SLC24A3: variants seen among roughly 807,000 people sequenced by gnomAD.
The protein encoded by SLC24A3 is sodium/potassium/calcium exchanger 3.
SLC24A3 carries 28 observed loss-of-function variants against 75.8 expected under a neutral mutation model. The ratio of observed to expected loss-of-function variants is 0.37; its 90% CI spans 0.27 to 0.51. The LOEUF is 0.51. Among genes scored for constraint, SLC24A3 ranks in the 20% least tolerant of loss-of-function variants. SLC24A3 has a pLI of 0.94. For synonymous variants in SLC24A3, 372 were observed against 334.1 expected (o/e 1.11, Z -1.24); for missense variants, 663 against 847.8 (o/e 0.78, Z 2.71).
At chr20:19,670,117 G>A (rs778609495) in intron 8 of SLC24A3, among the ~76,000 whole-genome samples, 8 of 151,918 alleles carry the variant, frequency 5.3e-5, no homozygotes, top group Non-Finnish European at 7.4e-5. Flanking sequence ...GAGCTGGCCC[G>A]ACCTGGAGCT....
chr20:19,614,852 A>C (rs1336888072), intron 6 of SLC24A3, among the ~76,000 whole-genome samples: 9 of 152,228 alleles, frequency 5.9e-5, no homozygotes, highest in African/African-American at 1.9e-4. Flanking sequence ...ATTAGAAGGA[A>C]GATGAATGAT....
At chr20:19,368,118 G>T (rs987977731) in intron 2 of SLC24A3, among the ~76,000 whole-genome samples, 1 of 152,194 alleles carries the variant, frequency 6.6e-6, no homozygotes, top group African/African-American at 2.4e-5. Flanking sequence ...GTGTGTGTGT[G>T]TCCACGTGCA....
intron 1 of SLC24A3, among the ~76,000 whole-genome samples, chr20:19,229,893 A>G (rs984295550): frequency 1.3e-5 from 2 of 151,230 alleles, no homozygotes; most frequent in Admixed American, 6.6e-5. Context: ...TTGTGTTTGC[A>G]TTTCTGGTTT....
At chr20:19,632,773 C>T (rs533087734) in intron 6 of SLC24A3, among the ~76,000 whole-genome samples, 2 of 152,284 alleles carry the variant, frequency 1.3e-5, no homozygotes, top group East Asian at 3.9e-4. Context: ...TCCCTGACAA[C>T]AGCTCTGGCA....
chr20:19,495,129 ATCT>A (rs1988264756), intron 2 of SLC24A3, among the ~76,000 whole-genome samples: 1 of 152,078 alleles, frequency 6.6e-6, no homozygotes, highest in Non-Finnish European at 1.5e-5. Context: ...TGAGGACTTA[ATCT>A]TCTAGGCATT....
intron 2 of SLC24A3, among the ~76,000 whole-genome samples, chr20:19,294,785 C>A (rs1214079154): frequency 6.6e-6 from 1 of 152,020 alleles, no homozygotes; most frequent in Admixed American, 6.6e-5. Flanking sequence ...TACTTATATT[C>A]CTTTGGTTAT....
Position 19,722,617 on chromosome 20 carries a change from T to C in SLC24A3, c.*1477T>C, listed in dbSNP as rs1347631141. The C allele has an allele frequency of 6.5e-6, 1 of 152,672 alleles. No individual in the cohort carries two copies. The highest frequency in any genetic ancestry group is 1.5e-5 in the Non-Finnish European group (1 of 68,052). The allele number at this position is 152,672 out of a possible 1,614,324, so 9.5% of individuals were successfully genotyped here. ...CCCTTGTATTTACTTTAAGCACTGA[T>C]CACTTATCATTCATTCGGTATGGTT... On this transcript the variant is annotated 3_prime_UTR_variant, in exon 17 of 17. Coordinates refer to ENST00000328041, the MANE Select transcript of SLC24A3 (RefSeq NM_020689.4).
At chr20:19,471,398 G>T (rs1012403452) in intron 2 of SLC24A3, among the ~76,000 whole-genome samples, 1 of 152,176 alleles carries the variant, frequency 6.6e-6, no homozygotes, top group Admixed American at 6.5e-5. Flanking sequence ...TTCTTCCTTA[G>T]GGTTCATTGC....
chr20:19,483,142 G>A (rs1287225165), intron 2 of SLC24A3, among the ~76,000 whole-genome samples: 1 of 152,178 alleles, frequency 6.6e-6, no homozygotes, highest in Non-Finnish European at 1.5e-5. Flanking sequence ...CACATCAGGG[G>A]CAATGATCAG....
Position 19,369,922 on chromosome 20 carries a change from CCT to C in SLC24A3, c.271+88839_271+88840del, listed in dbSNP as rs1431087891. Among the ~76,000 whole-genome samples, 4 of 152,204 alleles carry C rather than the reference CCT, an allele frequency of 2.6e-5. No individual in the cohort carries two copies. In the East Asian group the frequency reaches 7.7e-4, roughly 29 times the overall value. On this transcript the variant is annotated intron_variant, in intron 2 of 16. Coordinates refer to ENST00000328041, the MANE Select transcript of SLC24A3 (RefSeq NM_020689.4). ...GGCTCAAGCAGTCCTCCCACTTCGGCCTCTCAAAGTGCTGAGGTTACAAGCGT... is the reference window on the plus strand; with the variant it reads ...GGCTCAAGCAGTCCTCCCACTTCGGCCTCAAAGTGCTGAGGTTACAAGCGT...
At chr20:19,344,515 CA>C (rs1985344736) in intron 2 of SLC24A3, among the ~76,000 whole-genome samples, 1 of 152,098 alleles carries the variant, frequency 6.6e-6, no homozygotes, top group African/African-American at 2.4e-5. Context: ...GGAAGTGAGA[CA>C]GGCAAGGGCA....
intron 2 of SLC24A3, among the ~76,000 whole-genome samples, chr20:19,441,883 T>TAAA (rs1290026678): frequency 6.6e-6 from 1 of 152,180 alleles, no homozygotes; most frequent in Non-Finnish European, 1.5e-5. Flanking sequence ...CTGTCTCTGA[T>TAAA]AAAAATCATA....
chr20:19,542,744 G>A lies in SLC24A3; in HGVS notation c.348+27180G>A, dbSNP rs527727347. 9.2e-5 allele frequency among the ~76,000 whole-genome samples: 14 copies of A among 152,328 alleles called. No homozygotes were observed. The South Asian group carries it at 2.9e-3, about 32-fold the overall frequency. ...GAGTATTGGTGGGGGGCTATGGAGAGGAAGGGATCGGAGAGCCCCTCTGAG... is the reference window on the plus strand; with the variant it reads ...GAGTATTGGTGGGGGGCTATGGAGAAGAAGGGATCGGAGAGCCCCTCTGAG... On this transcript the variant is annotated intron_variant, in intron 3 of 16. Transcript: ENST00000328041.
chr20:19,488,258 G>T (rs1988156752), intron 2 of SLC24A3, among the ~76,000 whole-genome samples: 1 of 152,254 alleles, frequency 6.6e-6, no homozygotes, highest in Non-Finnish European at 1.5e-5. Context: ...GTGCCTTGGA[G>T]CAGGGACTTG....
At chr20:19,440,311 C>T (rs1987275887) in intron 2 of SLC24A3, among the ~76,000 whole-genome samples, 2 of 152,174 alleles carry the variant, frequency 1.3e-5, no homozygotes, top group Non-Finnish European at 2.9e-5. Context: ...CTGTGGTGTT[C>T]AGGTAGGAAG....
At chr20:19,400,584 G>A (rs144293733) in intron 2 of SLC24A3, among the ~76,000 whole-genome samples, 8 of 152,258 alleles carry the variant, frequency 5.3e-5, no homozygotes, top group Non-Finnish European at 1.0e-4. Flanking sequence ...ATGCTCCTGC[G>A]GGACCCTCTG....
intron 2 of SLC24A3, among the ~76,000 whole-genome samples, chr20:19,316,092 A>G (rs1263643645): frequency 2.0e-5 from 3 of 152,230 alleles, no homozygotes; most frequent in African/African-American, 7.2e-5. Context: ...GCCCAGCATC[A>G]CCAAAGCCTA....
chr20:19,216,123 G>T (rs73277067), intron 1 of SLC24A3, among the ~76,000 whole-genome samples: 1,940 of 152,274 alleles, frequency 0.013, 36 homozygotes, highest in African/African-American at 0.044. Context: ...CTATTTAGTT[G>T]TTATGGATGA....
intron 6 of SLC24A3, among the ~76,000 whole-genome samples, chr20:19,597,398 C>A (rs971061288): frequency 6.6e-6 from 1 of 151,954 alleles, no homozygotes; most frequent in Non-Finnish European, 1.5e-5. Context: ...ATAAAAATAA[C>A]CCCAAAAATA....
Sources: allele counts gnomAD v4.1 joint callset (sites outside exome capture counted in the v4.1 genomes callset), GRCh38; gene constraint gnomAD v4.1.1; transcripts MANE v1.5; gene names NCBI Gene and HGNC (gene_info 2026-07-23, HGNC 2026-07-21).